IZUMO1: variants seen among roughly 807,000 people sequenced by gnomAD.
IZUMO1 encodes the protein izumo sperm-oocyte fusion 1, also known as izumo sperm-egg fusion protein 1.
Under a neutral mutation model 40.7 loss-of-function variants are expected in IZUMO1, and 44 were observed. The observed-to-expected ratio is 1.08, with a 90% CI of 0.85 to 1.39. The LOEUF is 1.39. IZUMO1 is among the 40% of genes most tolerant of loss of function. The pLI is 0.00. For synonymous variants in IZUMO1, 149 were observed against 170.9 expected (o/e 0.87, Z 1.00); for missense variants, 368 against 436.9 (o/e 0.84, Z 1.41).
In IZUMO1 at chr19:48,741,609, C is replaced by G. The variant is rs1377209386; in HGVS notation, c.755-131G>C. On this transcript the variant is annotated intron_variant, in intron 8 of 9. Coordinates refer to ENST00000332955, the MANE Select transcript of IZUMO1 (RefSeq NM_182575.3). The surrounding 1 kb of genome is among the most constrained non-coding windows in gnomAD (Gnocchi z 4.4). ...TCAACAGTGTCAAGCCTGAACACACCCAAGGGAACCCCTGTCCTCGGGGCC... is the reference window on the plus strand; with the variant it reads ...TCAACAGTGTCAAGCCTGAACACACGCAAGGGAACCCCTGTCCTCGGGGCC... The G allele has an allele frequency of 1.5e-5, 19 of 1,268,726 alleles. No individual in the cohort carries two copies. Among genetic ancestry groups the G allele is most frequent in the Non-Finnish European group, 2.0e-5 (18 of 922,798 alleles). The allele number at this position is 1,268,726 out of a possible 1,614,324, so 78.6% of individuals were successfully genotyped here.
chr19:48,746,703 G>A lies in IZUMO1; in HGVS notation c.-342C>T. 1.0e-6 allele frequency: 1 copy of A among 985,478 alleles called. No individual in the cohort carries two copies. Among genetic ancestry groups the A allele is most frequent in the Non-Finnish European group, 1.2e-6 (1 of 829,926 alleles). The allele number at this position is 985,478 out of a possible 1,614,324, so 61.0% of individuals were successfully genotyped here. ...TCCAGGTTCTGAGGGCTTTTAAAGA[G>A]GAAGCCGGGGTCATGACCACCTACG... On this transcript the variant is annotated 5_prime_UTR_variant, in exon 1 of 10. Coordinates refer to ENST00000332955, the MANE Select transcript of IZUMO1 (RefSeq NM_182575.3).
Position 48,742,122 on chromosome 19 carries a change from T to C in IZUMO1, c.600+87A>G, listed in dbSNP as rs534378206. 8.7e-5 allele frequency: 129 copies of C among 1,480,916 alleles called. No homozygotes were observed. The African/African-American group carries it at 1.6e-3, about 19-fold the overall frequency. The allele number at this position is 1,480,916 out of a possible 1,614,324, so 91.7% of individuals were successfully genotyped here. A position where few individuals can be genotyped will look rare whatever the true frequency, so the allele number is the denominator to read the frequency against. The stretch of plus-strand genomic sequence containing the variant: ...CCTAATAGACCACCCTCCTGGGTCA[T>C]GAGAATCGTGGGTGCAGGCCCATAG... On this transcript the variant is annotated intron_variant, in intron 7 of 9. Transcript: ENST00000332955.
rs1310411311 is a variant in IZUMO1, at chr19:48,746,760, T to C, written c.-399A>G. On this transcript the variant is annotated 5_prime_UTR_variant, in exon 1 of 10. Transcript: ENST00000332955. Reference sequence around the variant, plus strand: ...TTCCCAGGGGTAAAATCAAGGATTGTGTTGGGGACGAGGGTAAGGTTGGTT... The same window carrying C: ...TTCCCAGGGGTAAAATCAAGGATTGCGTTGGGGACGAGGGTAAGGTTGGTT... The C allele has an allele frequency of 1.0e-6, 1 of 985,282 alleles. No individual in the cohort carries two copies. Among genetic ancestry groups the C allele is most frequent in the Admixed American group, 6.2e-5 (1 of 16,256 alleles). The allele number at this position is 985,282 out of a possible 1,614,324, so 61.0% of individuals were successfully genotyped here. A position where few individuals can be genotyped will look rare whatever the true frequency, so the allele number is the denominator to read the frequency against.
intron 2 of IZUMO1, 136 bp from the exon 3 acceptor site, chr19:48,745,424 G>A: frequency 9.8e-7 from 1 of 1,019,374 alleles, no homozygotes; most frequent in Middle Eastern, 2.1e-4. Flanking sequence ...TTGCCTTCTG[G>A]GAGTTGTAGT....
chr19:48,744,550 A>T lies in IZUMO1; in HGVS notation c.311-11T>A. 2 of 1,596,084 alleles carry T rather than the reference A, an allele frequency of 1.3e-6. No homozygotes were observed. The highest frequency in any genetic ancestry group is 4.5e-5 in the East Asian group (2 of 44,616). ...TCACGAAGAGATCGCCTGGGAAGACACAGGAACCCCCAATCCCACGTGTGA... is the reference window on the plus strand; with the variant it reads ...TCACGAAGAGATCGCCTGGGAAGACTCAGGAACCCCCAATCCCACGTGTGA... On this transcript the variant is annotated splice_polypyrimidine_tract_variant and intron_variant, in intron 3 of 9. Transcript: ENST00000332955.
chr19:48,741,895 G>A lies in IZUMO1; in HGVS notation c.648C>T (p.Ala216=), dbSNP rs2033709368. Residue 216 remains alanine, a synonymous_variant, in exon 8 of 10, where the codon GCC becomes GCT. Coordinates refer to ENST00000332955, the MANE Select transcript of IZUMO1 (RefSeq NM_182575.3). The surrounding 1 kb of genome is among the most constrained non-coding windows in gnomAD (Gnocchi z 4.4). ...TETLVSKGKE[A]TLTKPMVGPE... ...GACCCACCATGGGCTTGGTCAGGGT[G>A]GCCTCTTTCCCCTTGGACACCAAGG... The A allele has an allele frequency of 6.2e-7, 1 of 1,611,882 alleles. No homozygotes were observed.
chr19:48,745,443 A>AT (rs1366244463), intron 2 of IZUMO1, 155 bp from the exon 3 acceptor site: 29 of 1,018,712 alleles, frequency 2.8e-5, no homozygotes, highest in Non-Finnish European at 2.6e-5. Context: ...GTTTTATTAC[A>AT]TAAAATTGCC....
chr19:48,741,180 C>T lies in IZUMO1; in HGVS notation c.932+121G>A. ...CCTCCTATTCAAGCCCCCCGCACTC[C>T]ATCCCCAGGAAAGTCCTGCTCTCAG... is the stretch of plus-strand genomic sequence containing the variant. On this transcript the variant is annotated intron_variant, in intron 9 of 9. Transcript: ENST00000332955. The surrounding 1 kb of genome is among the most constrained non-coding windows in gnomAD (Gnocchi z 4.4). 1.4e-6 allele frequency: 2 copies of T among 1,436,226 alleles called. No homozygotes were observed. Among genetic ancestry groups the T allele is most frequent in the Non-Finnish European group, 1.9e-6 (2 of 1,070,840 alleles). The allele number at this position is 1,436,226 out of a possible 1,614,324, so 89.0% of individuals were successfully genotyped here.
At chr19:48,745,599 G>T in intron 2 of IZUMO1, 26 bp downstream of exon 2, 1 of 1,612,788 alleles carries the variant, frequency 6.2e-7, no homozygotes. Flanking sequence ...CAGGACCCAG[G>T]GGTCCGTGGT....
rs745781893 is a variant in IZUMO1 at position 48,745,772 on chromosome 19, C to G, written c.88G>C (p.Val30Leu). ...TTCTCCAGGGACTTTAGCGCCAGCA[C>G]GACAGACGGGTCACATATAACACAC... ...EGCVICDPSV[V>L]LALKSLEKDY... is the part of the protein sequence containing the mutation. The change falls in exon 2 of 10, where the codon GTG becomes CTG. Residue 30 changes from valine (V) to leucine (L), a missense_variant. By Grantham distance (32) the Val-to-Leu change is conservative. Transcript: ENST00000332955. The G allele has an allele frequency of 2.5e-6, 4 of 1,614,216 alleles. No homozygotes were observed. The highest frequency in any genetic ancestry group is 3.4e-6 in the Non-Finnish European group (4 of 1,180,044).
At chr19:48,743,821 T>A (rs982486293) in intron 5 of IZUMO1, 2 of 488,816 alleles carry the variant, frequency 4.1e-6, no homozygotes, top group South Asian at 2.3e-5. Flanking sequence ...TGAAACCCCG[T>A]CTCTGCTAAA....
intron 3 of IZUMO1, 31 bp from the exon 4 acceptor site, chr19:48,744,570 G>T: frequency 6.6e-7 from 1 of 1,505,818 alleles, no homozygotes; most frequent in Non-Finnish European, 9.2e-7. Context: ...CCAATCCCAC[G>T]TGTGAGGTGT....
At chr19:48,744,299 G>A (rs2033812581) in intron 4 of IZUMO1, 104 bp from the exon 5 acceptor site, 18 of 1,336,246 alleles carry the variant, frequency 1.3e-5, no homozygotes, top group African/African-American at 2.9e-5. Flanking sequence ...TGGGCTTTGG[G>A]CTTTTGGGTT....
Position 48,741,042 on chromosome 19 carries a change from TG to T in IZUMO1, c.933-15del, listed in dbSNP as rs1187126339. The T allele has an allele frequency of 1.2e-6, 2 of 1,613,140 alleles. No homozygotes were observed. The highest frequency in any genetic ancestry group is 2.2e-5 in the South Asian group (2 of 91,032). On this transcript the variant is annotated splice_polypyrimidine_tract_variant and intron_variant, in intron 9 of 9. Coordinates refer to ENST00000332955, the MANE Select transcript of IZUMO1 (RefSeq NM_182575.3). The surrounding 1 kb of genome is among the most constrained non-coding windows in gnomAD (Gnocchi z 4.4). ...CGACGAAATATCCTAGGGGTGGGAG[TG>T]GGGTGCAGATCATGGAACCGGTTTG... is the stretch of plus-strand genomic sequence containing the variant.
intron 4 of IZUMO1, 116 bp from the exon 5 acceptor site, chr19:48,744,311 G>A (rs987992394): frequency 1.1e-4 from 142 of 1,280,666 alleles, no homozygotes; most frequent in Non-Finnish European, 1.4e-4. Context: ...TTTTGGGTTC[G>A]AGGGAGAAAA....
intron 6 of IZUMO1, chr19:48,743,053 G>C: frequency 5.8e-6 from 1 of 172,516 alleles, no homozygotes; most frequent in South Asian, 1.4e-4. Flanking sequence ...TTTAGACAAG[G>C]TCTCACTCTT....
chr19:48,741,449 G>T lies in IZUMO1; in HGVS notation c.784C>A (p.Pro262Thr). 1 of 1,611,874 alleles carries T rather than the reference G, an allele frequency of 6.2e-7. No homozygotes were observed. The highest frequency in any genetic ancestry group is 8.5e-7 in the Non-Finnish European group (1 of 1,178,268). The change falls in exon 9 of 10, where the codon CCT becomes ACT. Residue 262 changes from proline to threonine, a missense_variant. Transcript: ENST00000332955. This position sits in a 1 kb window ranked among gnomAD's most constrained non-coding sequence, Gnocchi z 4.4. ...CCCGGGGTTACGATATTTGGAGAAGGTTTTTCCTCCTTGATCATTTTGGGC... is the reference window on the plus strand; with the variant it reads ...CCCGGGGTTACGATATTTGGAGAAGTTTTTTCCTCCTTGATCATTTTGGGC... ...VLPKMIKEEK[P>T]SPNIVTPGEA... is the part of the protein sequence containing the mutation.
At position 48,746,863 on chromosome 19, in the gene IZUMO1, C is replaced by T. The variant is rs1056849381; in HGVS notation, c.-502G>A. The T allele has an allele frequency of 5.1e-6, 5 of 985,312 alleles. No individual in the cohort carries two copies. The highest frequency in any genetic ancestry group is 4.8e-6 in the Non-Finnish European group (4 of 829,924). 61.0% of individuals were successfully genotyped at this position (985,312 alleles called of 1,614,324 possible). Reference sequence around the variant, plus strand: ...CCACAAGGAACTCCTGAAACCACCCCCTCCGAGCTTCTCACGTAGGGGCCC... The same window carrying T: ...CCACAAGGAACTCCTGAAACCACCCTCTCCGAGCTTCTCACGTAGGGGCCC... On this transcript the variant is annotated 5_prime_UTR_variant, in exon 1 of 10. Coordinates refer to ENST00000332955, the MANE Select transcript of IZUMO1 (RefSeq NM_182575.3).
intron 3 of IZUMO1, 46 bp downstream of exon 3, chr19:48,745,168 G>A: frequency 6.6e-7 from 1 of 1,506,120 alleles, no homozygotes; most frequent in East Asian, 2.3e-5. Context: ...CACTAACGCT[G>A]GCTTCTCTGA....
Sources: gnomAD v4.1 joint callset for allele counts on GRCh38, gnomAD v4.1.1 for gene constraint, Gnocchi (gnomAD v3.1) non-coding constraint, MANE v1.5 for transcripts, NCBI Gene and HGNC (gene_info 2026-07-23, HGNC 2026-07-21) for gene names.